The following AFF2 variants were observed in gnomAD, a reference collection of about 807,000 sequenced individuals.
AFF2 encodes the protein ALF transcription elongation factor 2.
AFF2 carries 14 observed loss-of-function variants against 76.9 expected under a neutral mutation model. That is an observed-to-expected ratio of 0.18 (90% CI 0.12 to 0.28). The LOEUF is 0.28. Ranked by LOEUF, AFF2 falls within the 10% of genes least tolerant of loss-of-function variation. The pLI is 1.00. For missense variants in AFF2, 868 were observed against 1,001.1 expected, an observed-to-expected ratio of 0.87 and a Z score of 1.79; for synonymous variants, 398 against 366.7, an observed-to-expected ratio of 1.09 and a Z score of -0.98.
intron 7 of AFF2, among the ~76,000 whole-genome samples, chrX:148,877,436 T>C (rs1211453010): frequency 1.8e-5 from 2 of 112,473 alleles, no homozygotes; most frequent in East Asian, 5.6e-4. Flanking sequence ...GAGAGTGATT[T>C]TGATGCAGCC....
At chrX:148,757,792 T>G (rs1372862941) in intron 3 of AFF2, among the ~76,000 whole-genome samples, 2 of 112,077 alleles carry the variant, frequency 1.8e-5, no homozygotes, top group Admixed American at 9.5e-5. Flanking sequence ...CTTTCACTCT[T>G]ATTTTTGTTC....
intron 7 of AFF2, among the ~76,000 whole-genome samples, chrX:148,851,158 T>C (rs1198364393): frequency 8.9e-6 from 1 of 112,287 alleles, no homozygotes; most frequent in African/African-American, 3.2e-5. Context: ...TTAAATAGTC[T>C]GCTCTTGACA....
chrX:148,521,469 A>G (rs2052599642), intron 1 of AFF2, among the ~76,000 whole-genome samples: 1 of 109,789 alleles, frequency 9.1e-6, no homozygotes, highest in Admixed American at 9.8e-5. Flanking sequence ...TAATATGTCT[A>G]CCTTTGGTGG....
intron 3 of AFF2, among the ~76,000 whole-genome samples, chrX:148,742,343 T>C (rs2055366013): frequency 8.9e-6 from 1 of 112,444 alleles, no homozygotes; most frequent in Non-Finnish European, 1.9e-5. Context: ...TGGATGAAAA[T>C]TATACTTGAT....
In AFF2 at chrX:148,688,379, TCTCAGTTTA is replaced by T. The variant is rs782674704; in HGVS notation, c.1041+25615_1041+25623del. On this transcript the variant is annotated intron_variant, in intron 3 of 20. Coordinates refer to ENST00000370460, the MANE Select transcript of AFF2 (RefSeq NM_002025.4). ...GTGCCATCATACTTTTACCAGCTAATCTCAGTTTACTCTTGATATCCTTTGGGAAGACTT... is the reference window on the plus strand; with the variant it reads ...GTGCCATCATACTTTTACCAGCTAATCTCTTGATATCCTTTGGGAAGACTT... 7.8e-3 allele frequency among the ~76,000 whole-genome samples: 870 copies of T among 111,828 alleles called. 1 individual carries two copies. Among genetic ancestry groups the T allele is most frequent in the Non-Finnish European group, 0.013 (693 of 53,164 alleles).
At chrX:148,538,899 G>A (rs1348707848) in intron 1 of AFF2, among the ~76,000 whole-genome samples, 2 of 111,103 alleles carry the variant, frequency 1.8e-5, no homozygotes, top group African/African-American at 6.5e-5. Context: ...TCTCTTAATA[G>A]CTACCCAAGA....
At chrX:148,709,000 A>G (rs1230732283) in intron 3 of AFF2, among the ~76,000 whole-genome samples, 1 of 111,768 alleles carries the variant, frequency 8.9e-6, no homozygotes, top group African/African-American at 3.3e-5. Flanking sequence ...ACCTGACGGA[A>G]TGACTGATCT....
intron 3 of AFF2, among the ~76,000 whole-genome samples, chrX:148,734,228 G>T (rs782654159): frequency 1.8e-5 from 2 of 111,923 alleles, no homozygotes; most frequent in South Asian, 3.8e-4. Context: ...CAGGAGTTTG[G>T]ATGCAGTAGC....
At chrX:148,921,015 T>C (rs996618612) in intron 9 of AFF2, among the ~76,000 whole-genome samples, 3 of 111,478 alleles carry the variant, frequency 2.7e-5, no homozygotes, top group African/African-American at 9.8e-5. Flanking sequence ...TTCACCAGCC[T>C]ATCAATGGGG....
chrX:148,704,282 ATG>A (rs1232852184), intron 3 of AFF2, among the ~76,000 whole-genome samples: 7 of 49,872 alleles, frequency 1.4e-4, no homozygotes, highest in African/African-American at 4.7e-4. Flanking sequence ...TTATATATAT[ATG>A]TGTGTATATA....
At chrX:148,836,890 T>C (rs1243166253) in intron 4 of AFF2, among the ~76,000 whole-genome samples, 5 of 112,014 alleles carry the variant, frequency 4.5e-5, no homozygotes, top group African/African-American at 1.6e-4. Flanking sequence ...AGATACACTG[T>C]CTATGTGTAT....
intron 3 of AFF2, among the ~76,000 whole-genome samples, chrX:148,762,888 C>T (rs1158817898): frequency 8.9e-6 from 1 of 111,794 alleles, no homozygotes; most frequent in Non-Finnish European, 1.9e-5. Context: ...TATCCACAAA[C>T]TGCCTGACAT....
In AFF2 at chrX:148,956,069, C is replaced by A; in HGVS notation, c.2024C>A (p.Ala675Asp). 1 of 1,211,003 alleles carries A rather than the reference C, an allele frequency of 8.3e-7. No individual in the cohort carries two copies. Among genetic ancestry groups the A allele is most frequent in the Non-Finnish European group, 1.1e-6 (1 of 895,323 alleles). Residue 675 changes from alanine to aspartate, a missense_variant, in exon 11 of 21, where the codon GCC (alanine) becomes GAC (aspartate). Physicochemically the swap from Ala to Asp is moderately radical, Grantham distance 126. Around this residue, in one of 6 missense-constraint regions of AFF2, gnomAD observed 532 missense variants for 564.2 expected, o/e 0.94. Coordinates refer to ENST00000370460, the MANE Select transcript of AFF2 (RefSeq NM_002025.4). ...DPPRGRNKATAHKPAPRKEPR... is the reference protein window; with the variant it reads ...DPPRGRNKATDHKPAPRKEPR... ...CCAAGAGGCCGCAACAAAGCCACTG[C>A]CCACAAACCAGCCCCTAGGAAAGAA...
intron 9 of AFF2, among the ~76,000 whole-genome samples, chrX:148,949,811 T>C (rs1234851967): frequency 1.8e-5 from 2 of 112,646 alleles, no homozygotes; most frequent in Non-Finnish European, 3.7e-5. Flanking sequence ...GCATTCTTTT[T>C]AAAAGCAGTT....
intron 4 of AFF2, among the ~76,000 whole-genome samples, chrX:148,811,172 G>T (rs782749326): frequency 9.0e-6 from 1 of 111,331 alleles, no homozygotes; most frequent in South Asian, 3.8e-4. Context: ...GGTACCATGT[G>T]TTCCTCGTGA....
At chrX:148,837,293 C>A (rs2070538509) in intron 4 of AFF2, among the ~76,000 whole-genome samples, 1 of 112,057 alleles carries the variant, frequency 8.9e-6, no homozygotes, top group Admixed American at 9.4e-5. Flanking sequence ...TACTATCTTC[C>A]AACAACTGAA....
chrX:148,708,231 G>A (rs1557262554), intron 3 of AFF2, among the ~76,000 whole-genome samples: 6 of 111,752 alleles, frequency 5.4e-5, no homozygotes, highest in Admixed American at 2.9e-4. Flanking sequence ...AGTCTGAACT[G>A]TGCACTTTAA....
chrX:148,541,567 G>A (rs1041158144), intron 1 of AFF2, among the ~76,000 whole-genome samples: 2 of 111,212 alleles, frequency 1.8e-5, no homozygotes, highest in Admixed American at 9.6e-5. Context: ...ACTCAAAAAG[G>A]CATCTTCTTT....
At chrX:148,733,014 A>T (rs1405429781) in intron 3 of AFF2, among the ~76,000 whole-genome samples, 3 of 111,111 alleles carry the variant, frequency 2.7e-5, no homozygotes, top group African/African-American at 9.8e-5. Flanking sequence ...GTTATTACTG[A>T]CTCTGATTTA....
Sources: gnomAD v4.1 joint callset for allele counts (sites outside exome capture counted in the v4.1 genomes callset) on GRCh38, gnomAD v4.1.1 for gene constraint, gnomAD v4.1.1 regional missense constraint, MANE v1.5 for transcripts, NCBI Gene and HGNC (gene_info 2026-07-23, HGNC 2026-07-21) for gene names.